Variants in RMND5A observed in about 807,000 individuals in gnomAD.
RMND5A encodes the protein required for meiotic nuclear division 5 homolog A.
A neutral mutation model predicts 49.7 loss-of-function variants in RMND5A; 17 were observed. That is an observed-to-expected ratio of 0.34 (90% CI 0.23 to 0.51). RMND5A has a LOEUF of 0.51. RMND5A is among the 20% of genes least tolerant of loss of function. RMND5A has a pLI of 0.96. For synonymous variants in RMND5A, 156 were observed against 167.7 expected (o/e 0.93, Z 0.54); for missense variants, 255 against 471.3 (o/e 0.54, Z 4.25).
chr2:86,745,822 C>T (rs1185210629), intron 2 of RMND5A, among the ~76,000 whole-genome samples: 1 of 152,090 alleles, frequency 6.6e-6, no homozygotes, highest in African/African-American at 2.4e-5. Context: ...AGACTCAATA[C>T]CCAGGTATAT....
Position 86,745,681 on chromosome 2 carries a change from G to A in RMND5A, c.285+4612G>A, listed in dbSNP as rs191668915. Among the ~76,000 whole-genome samples, 13 of 152,270 alleles carry A rather than the reference G, an allele frequency of 8.5e-5. No individual in the cohort carries two copies. In the East Asian group the frequency reaches 2.5e-3, roughly 29 times the overall value. On this transcript the variant is annotated intron_variant, in intron 2 of 8. Transcript: ENST00000283632. ...GAAAACAGACTAAATAGTAGTCATA[G>A]GTAGGAGGATAATAGCTATCACATA...
At chr2:86,753,111 C>T (rs1194991041) in intron 3 of RMND5A, among the ~76,000 whole-genome samples, 2 of 152,178 alleles carry the variant, frequency 1.3e-5, no homozygotes, top group Admixed American at 6.5e-5. Flanking sequence ...CTGTTATTCC[C>T]AGGGTGTCTC....
intron 2 of RMND5A, 52 bp from the exon 3 acceptor site, chr2:86,751,844 A>G: frequency 6.4e-7 from 1 of 1,562,164 alleles, no homozygotes; most frequent in Non-Finnish European, 8.7e-7. Flanking sequence ...TTTCCTGTTA[A>G]GTGGGGTGAA....
chr2:86,760,402 C>T (rs146754803), intron 4 of RMND5A, among the ~76,000 whole-genome samples: 1 of 152,272 alleles, frequency 6.6e-6, no homozygotes, highest in East Asian at 1.9e-4. Context: ...TACATAAATT[C>T]GTTTTTACCA....
intron 4 of RMND5A, among the ~76,000 whole-genome samples, chr2:86,761,668 A>G (rs958299516): frequency 6.6e-6 from 1 of 152,260 alleles, no homozygotes; most frequent in African/African-American, 2.4e-5. Context: ...GTTTCAGAAT[A>G]GGATGCAAAG....
At chr2:86,753,316 TA>T (rs1340874787) in intron 3 of RMND5A, 141 bp from the exon 4 acceptor site, 1 of 532,192 alleles carries the variant, frequency 1.9e-6, no homozygotes, top group Non-Finnish European at 3.3e-6. Context: ...AAGAATGTAC[TA>T]GGGGGCAGTC....
chr2:86,762,019 T>A (rs1672496871), intron 4 of RMND5A, among the ~76,000 whole-genome samples: 1 of 152,218 alleles, frequency 6.6e-6, no homozygotes, highest in African/African-American at 2.4e-5. Context: ...ATAATTACTC[T>A]ATAGGCCTGT....
intron 4 of RMND5A, among the ~76,000 whole-genome samples, chr2:86,759,513 A>G (rs1681806311): frequency 6.6e-6 from 1 of 152,172 alleles, no homozygotes; most frequent in Non-Finnish European, 1.5e-5. Context: ...GTAATTCCAA[A>G]GGTGACAGTG....
At chr2:86,763,294 G>C (rs180867742) in intron 4 of RMND5A, among the ~76,000 whole-genome samples, 2 of 152,090 alleles carry the variant, frequency 1.3e-5, no homozygotes, top group African/African-American at 4.8e-5. Context: ...TTCCTTACTT[G>C]CTAGTAGGAA....
At chr2:86,769,371 C>T (rs1672650140) in intron 6 of RMND5A, among the ~76,000 whole-genome samples, 1 of 152,116 alleles carries the variant, frequency 6.6e-6, no homozygotes, top group African/African-American at 2.4e-5. Context: ...TTAGCGTATA[C>T]CTTGGAGCAC....
At position 86,765,018 on chromosome 2, in the gene RMND5A, T is replaced by C; in HGVS notation, c.522-9T>C. ...TTGATTCTTAAAGTCTTTTTTGCCT[T>C]TTCTTTAGGTGGGCAGTGTCAAACC... is the stretch of plus-strand genomic sequence containing the variant. On this transcript the variant is annotated splice_polypyrimidine_tract_variant and intron_variant, in intron 4 of 8. Coordinates refer to ENST00000283632, the MANE Select transcript of RMND5A (RefSeq NM_022780.4). 6.3e-7 allele frequency: 1 copy of C among 1,586,980 alleles called. No individual in the cohort carries two copies. Among genetic ancestry groups the C allele is most frequent in the Non-Finnish European group, 8.5e-7 (1 of 1,171,528 alleles).
chr2:86,762,874 CTT>C (rs1409870456), intron 4 of RMND5A, among the ~76,000 whole-genome samples: 2 of 151,376 alleles, frequency 1.3e-5, no homozygotes, highest in Non-Finnish European at 2.9e-5. Context: ...AACCTTGTCT[CTT>C]CAAAAAAATA....
chr2:86,765,114 A>G lies in RMND5A; in HGVS notation c.609A>G (p.Leu203=). ...KLHRLYFISL[L]MGGTTNQREA... Reference sequence around the variant, plus strand: ...ACAGACTGTATTTTATTAGCTTGTTAATGGGTGGAACCACAAATCAGCGAG... The same window carrying G: ...ACAGACTGTATTTTATTAGCTTGTTGATGGGTGGAACCACAAATCAGCGAG... The change falls in exon 5 of 9, where the codon TTA becomes TTG. Residue 203 remains leucine, a synonymous_variant. Transcript: ENST00000283632. 1 of 1,614,152 alleles carries G rather than the reference A, an allele frequency of 6.2e-7. No homozygotes were observed. The highest frequency in any genetic ancestry group is 8.5e-7 in the Non-Finnish European group (1 of 1,179,994).
intron 7 of RMND5A, among the ~76,000 whole-genome samples, chr2:86,770,453 T>C (rs775348077): frequency 1.3e-5 from 2 of 152,238 alleles, no homozygotes; most frequent in African/African-American, 2.4e-5. Context: ...TTTTCTAATA[T>C]AAACGCAAAT....
At chr2:86,758,923 G>A (rs934914281) in intron 4 of RMND5A, among the ~76,000 whole-genome samples, 2 of 152,102 alleles carry the variant, frequency 1.3e-5, no homozygotes, top group African/African-American at 4.8e-5. Context: ...CATTTCACCA[G>A]GTCCACACCT....
chr2:86,765,557 CT>C, intron 5 of RMND5A: 1 of 364,722 alleles, frequency 2.7e-6, no homozygotes, highest in Non-Finnish European at 5.0e-6. Flanking sequence ...GAAACATTAA[CT>C]CTGCAGTCAG....
rs1573448946 is a variant in RMND5A at position 86,773,536 on chromosome 2, CTT to C, written c.*127_*128del. 1 of 627,500 alleles carries C rather than the reference CTT, an allele frequency of 1.6e-6. No individual in the cohort carries two copies. Among genetic ancestry groups the C allele is most frequent in the Non-Finnish European group, 2.9e-6 (1 of 340,952 alleles). 38.9% of individuals were successfully genotyped at this position (627,500 alleles called of 1,614,324 possible). A position where few individuals can be genotyped will look rare whatever the true frequency, so the allele number is the denominator to read the frequency against. On this transcript the variant is annotated 3_prime_UTR_variant, in exon 9 of 9. Coordinates refer to ENST00000283632, the MANE Select transcript of RMND5A (RefSeq NM_022780.4). The stretch of plus-strand genomic sequence containing the variant: ...TTTCTATAAGCTAATGCTCCAGAAA[CTT>C]TGCCAACCTGTTAGTGTACACACAC...
At chr2:86,764,782 A>G (rs774717248) in intron 4 of RMND5A, among the ~76,000 whole-genome samples, 2 of 152,222 alleles carry the variant, frequency 1.3e-5, no homozygotes, top group Non-Finnish European at 2.9e-5. Context: ...CATGTGACAC[A>G]TGAGAGTCAT....
intron 2 of RMND5A, among the ~76,000 whole-genome samples, chr2:86,750,419 A>G (rs554883995): frequency 6.6e-6 from 1 of 152,308 alleles, no homozygotes; most frequent in African/African-American, 2.4e-5. Context: ...GTACTTGACA[A>G]ATGTCATGCC....
Sources: allele counts gnomAD v4.1 joint callset (sites outside exome capture counted in the v4.1 genomes callset), GRCh38; gene constraint gnomAD v4.1.1; transcripts MANE v1.5; gene names NCBI Gene and HGNC (gene_info 2026-07-23, HGNC 2026-07-21).